MYO1D: variants seen among roughly 807,000 people sequenced by gnomAD.
The protein encoded by MYO1D is myosin ID, also known as unconventional myosin-Id.
In MYO1D, 83 loss-of-function variants were observed where a neutral mutation model predicts 122.0. The observed-to-expected ratio is 0.68, with a 90% CI of 0.57 to 0.82. The LOEUF is 0.82. MYO1D is among the 40% of genes least tolerant of loss of function. The pLI, the probability that MYO1D is intolerant of heterozygous loss-of-function variation, is 0.00. For synonymous variants in MYO1D, 464 were observed against 446.9 expected, an observed-to-expected ratio of 1.04 and a Z score of -0.48; for missense variants, 1,157 against 1,269.5, an observed-to-expected ratio of 0.91 and a Z score of 1.35.
At chr17:32,584,131 A>G (rs2150902492) in intron 21 of MYO1D, among the ~76,000 whole-genome samples, 1 of 152,202 alleles carries the variant, frequency 6.6e-6, no homozygotes, top group Non-Finnish European at 1.5e-5. Context: ...GACCATCTTC[A>G]TTCTCGTATC....
chr17:32,671,043 C>G (rs2088711700), intron 16 of MYO1D, among the ~76,000 whole-genome samples: 1 of 152,218 alleles, frequency 6.6e-6, no homozygotes. Context: ...CCATGCCTGT[C>G]CCGGAGCTGC....
At chr17:32,562,758 A>G (rs2087137548) in intron 21 of MYO1D, among the ~76,000 whole-genome samples, 2 of 152,174 alleles carry the variant, frequency 1.3e-5, no homozygotes, top group Admixed American at 1.3e-4. Context: ...GTGCGCCACC[A>G]TGCCCGGACA....
At chr17:32,576,153 T>C (rs374537783) in intron 21 of MYO1D, among the ~76,000 whole-genome samples, 47 of 152,308 alleles carry the variant, frequency 3.1e-4, no homozygotes, top group African/African-American at 9.6e-4. Context: ...AGGAAGCATG[T>C]CAAAATATCT....
At chr17:32,737,667 A>G (rs1357430231) in intron 14 of MYO1D, among the ~76,000 whole-genome samples, 6 of 152,134 alleles carry the variant, frequency 3.9e-5, no homozygotes, top group East Asian at 3.9e-4. Context: ...TTTTGCAGAA[A>G]GGAGGTCTCA....
At chr17:32,787,081 T>C (rs867875373) in intron 1 of MYO1D, among the ~76,000 whole-genome samples, 1 of 151,758 alleles carries the variant, frequency 6.6e-6, no homozygotes, top group Admixed American at 6.6e-5. Flanking sequence ...AGAAATTGTG[T>C]TTAAAATCAT....
At chr17:32,591,415 G>C (rs1182565487) in intron 21 of MYO1D, among the ~76,000 whole-genome samples, 1 of 152,104 alleles carries the variant, frequency 6.6e-6, no homozygotes, top group African/African-American at 2.4e-5. Context: ...AACTTCTTAG[G>C]GTAATTAAAA....
At chr17:32,829,607 C>T (rs1048812968) in intron 1 of MYO1D, among the ~76,000 whole-genome samples, 1 of 152,192 alleles carries the variant, frequency 6.6e-6, no homozygotes, top group Admixed American at 6.5e-5. Context: ...AAGTGTGCCA[C>T]CAAGCGCAGC....
intron 20 of MYO1D, among the ~76,000 whole-genome samples, chr17:32,614,614 CT>C (rs2087748152): frequency 6.6e-6 from 1 of 152,168 alleles, no homozygotes; most frequent in African/African-American, 2.4e-5. Context: ...CTCCTTCTCC[CT>C]TCCCAGTCCC....
chr17:32,840,211 G>A (rs1042128331), intron 1 of MYO1D, among the ~76,000 whole-genome samples: 2 of 152,152 alleles, frequency 1.3e-5, no homozygotes, highest in Admixed American at 1.3e-4. Context: ...TGTTACTGGC[G>A]CACACTGGAG....
intron 20 of MYO1D, among the ~76,000 whole-genome samples, chr17:32,622,943 C>T (rs903567240): frequency 3.3e-5 from 5 of 152,196 alleles, no homozygotes; most frequent in South Asian, 4.1e-4. Context: ...TGCCAGACCC[C>T]ACTGGGGTGT....
chr17:32,548,977 T>A (rs889275644), intron 21 of MYO1D, among the ~76,000 whole-genome samples: 4 of 152,072 alleles, frequency 2.6e-5, no homozygotes, highest in Admixed American at 6.6e-5. Context: ...GCCTCCAAAG[T>A]GTTGGGATTA....
chr17:32,737,461 A>T (rs1040174867), intron 14 of MYO1D, among the ~76,000 whole-genome samples: 2 of 151,938 alleles, frequency 1.3e-5, no homozygotes, highest in African/African-American at 4.8e-5. Flanking sequence ...CCCAGGCTCA[A>T]GCGATCCTCC....
chr17:32,812,501 A>T (rs2090580842), intron 1 of MYO1D, among the ~76,000 whole-genome samples: 1 of 152,242 alleles, frequency 6.6e-6, no homozygotes, highest in Non-Finnish European at 1.5e-5. Context: ...CAGCAGTCTG[A>T]CAGCAGAGTA....
intron 20 of MYO1D, among the ~76,000 whole-genome samples, chr17:32,618,312 T>C (rs530191089): frequency 6.6e-6 from 1 of 152,342 alleles, no homozygotes; most frequent in African/African-American, 2.4e-5. Flanking sequence ...GCTAAGTTTA[T>C]ATCATTGATT....
chr17:32,845,405 G>A (rs1221808740), intron 1 of MYO1D, among the ~76,000 whole-genome samples: 1 of 151,980 alleles, frequency 6.6e-6, no homozygotes, highest in Non-Finnish European at 1.5e-5. Context: ...TTTCAGCTTT[G>A]CTACGAAAAA....
At chr17:32,764,630 G>A (rs181868546) in intron 8 of MYO1D, among the ~76,000 whole-genome samples, 14 of 152,306 alleles carry the variant, frequency 9.2e-5, no homozygotes, top group African/African-American at 3.4e-4. Flanking sequence ...TTGAGTGAGA[G>A]AAGCAGCACG....
In MYO1D at chr17:32,648,128, C is replaced by T. The variant is rs183692516; in HGVS notation, c.2595+5715G>A. ...ACTGGGGAGGCTGAGGCAGGAGAATCGCTTGAACCCAGGAGGCAGAGGTTG... is the reference window on the plus strand; with the variant it reads ...ACTGGGGAGGCTGAGGCAGGAGAATTGCTTGAACCCAGGAGGCAGAGGTTG... On this transcript the variant is annotated intron_variant, in intron 19 of 21. Coordinates refer to ENST00000318217, the MANE Select transcript of MYO1D (RefSeq NM_015194.3). Among the ~76,000 whole-genome samples, 192 of 152,186 alleles carry T rather than the reference C, an allele frequency of 1.3e-3. 1 individual carries two copies. The highest frequency in any genetic ancestry group is 3.4e-3 in the Middle Eastern group (1 of 294).
At chr17:32,673,080 A>T (rs1483393366) in intron 16 of MYO1D, among the ~76,000 whole-genome samples, 6 of 133,960 alleles carry the variant, frequency 4.5e-5, no homozygotes, top group Non-Finnish European at 8.1e-5. Flanking sequence ...GGAATTACAT[A>T]AACATGCTAC....
chr17:32,810,289 A>G (rs1026960668), intron 1 of MYO1D, among the ~76,000 whole-genome samples: 3 of 152,190 alleles, frequency 2.0e-5, no homozygotes, highest in Non-Finnish European at 4.4e-5. Flanking sequence ...AGATACAAAG[A>G]GTTCTAAGGG....
Sources: allele counts gnomAD v4.1 joint callset (sites outside exome capture counted in the v4.1 genomes callset), GRCh38; gene constraint gnomAD v4.1.1; transcripts MANE v1.5; gene names NCBI Gene and HGNC (gene_info 2026-07-23, HGNC 2026-07-21).